Variants in AGAP1 observed in about 807,000 individuals in gnomAD.
AGAP1 encodes the protein ArfGAP with GTPase domain, ankyrin repeat and PH domain 1.
Under a neutral mutation model 105.3 loss-of-function variants are expected in AGAP1, and 29 were observed. That is an observed-to-expected ratio of 0.28 (90% confidence interval 0.21 to 0.38). The LOEUF is 0.38. Ranked by LOEUF, AGAP1 falls within the 10% of genes least tolerant of loss-of-function variation. The pLI is 1.00. For missense variants in AGAP1, 998 were observed against 1,165.1 expected (o/e 0.86, Z 2.09); for synonymous variants, 509 against 485.9 (o/e 1.05, Z -0.63).
chr2:235,682,642 G>A (rs1323598319), intron 1 of AGAP1, among the ~76,000 whole-genome samples: 3 of 152,078 alleles, frequency 2.0e-5, no homozygotes, highest in African/African-American at 7.2e-5. Flanking sequence ...ACCATGCCTG[G>A]CACAGAACCC....
At chr2:236,008,864 AC>A (rs2056412927) in intron 13 of AGAP1, among the ~76,000 whole-genome samples, 1 of 152,240 alleles carries the variant, frequency 6.6e-6, no homozygotes, top group African/African-American at 2.4e-5. Context: ...GAGATTGATG[AC>A]TTTTATTTCA....
At chr2:235,942,973 G>A (rs2053330477) in intron 12 of AGAP1, among the ~76,000 whole-genome samples, 2 of 152,106 alleles carry the variant, frequency 1.3e-5, no homozygotes, top group African/African-American at 2.4e-5. Context: ...TGCGTCTATA[G>A]TCCCAGCTAC....
At chr2:235,755,741 T>TG (rs1953873114) in intron 6 of AGAP1, among the ~76,000 whole-genome samples, 1 of 152,174 alleles carries the variant, frequency 6.6e-6, no homozygotes, top group Non-Finnish European at 1.5e-5. Context: ...GCACCCAGCT[T>TG]GCGATTCTTC....
chr2:235,558,784 G>A (rs1377732910), intron 1 of AGAP1, among the ~76,000 whole-genome samples: 2 of 152,156 alleles, frequency 1.3e-5, no homozygotes, highest in Non-Finnish European at 1.5e-5. Context: ...TAAACACATT[G>A]TGCAAATTGA....
At chr2:235,745,052 C>T (rs1192620421) in intron 5 of AGAP1, among the ~76,000 whole-genome samples, 3 of 152,040 alleles carry the variant, frequency 2.0e-5, no homozygotes, top group Non-Finnish European at 4.4e-5. Flanking sequence ...AACACACACA[C>T]ACATATCCCA....
At position 236,101,413 on chromosome 2, in the gene AGAP1, A is replaced by G. The variant is rs1035829280; in HGVS notation, c.2115-18779A>G. Among the ~76,000 whole-genome samples the G allele has an allele frequency of 1.8e-4, 28 of 152,284 alleles. No individual in the cohort carries two copies. The highest frequency in any genetic ancestry group is 6.8e-3 in the Middle Eastern group (2 of 294). Reference sequence around the variant, plus strand: ...CTTTTTCTGAATGTGTCGCCGTGTCATAGCCTGCGACCTTCTCTTTCTCAG... The same window carrying G: ...CTTTTTCTGAATGTGTCGCCGTGTCGTAGCCTGCGACCTTCTCTTTCTCAG... On this transcript the variant is annotated intron_variant, in intron 16 of 17. Coordinates refer to ENST00000304032, the MANE Select transcript of AGAP1 (RefSeq NM_001037131.3). This position sits in a 1 kb window ranked among gnomAD's most constrained non-coding sequence, Gnocchi z 4.9.
chr2:235,975,034 G>A (rs774417805), intron 13 of AGAP1, among the ~76,000 whole-genome samples: 15 of 152,206 alleles, frequency 9.9e-5, no homozygotes, highest in Non-Finnish European at 1.2e-4. Context: ...GTTAGGGAAG[G>A]CTAACCTGTT....
At position 236,005,775 on chromosome 2, in the gene AGAP1, G is replaced by A. The variant is rs2056300877; in HGVS notation, c.1646-30786G>A. Among the ~76,000 whole-genome samples, 1 of 152,222 alleles carries A rather than the reference G, an allele frequency of 6.6e-6. No individual in the cohort carries two copies. Among genetic ancestry groups the A allele is most frequent in the South Asian group, 2.1e-4 (1 of 4,832 alleles). ...TTGAGTTACAAGTTTTGTGGAGAAG[G>A]ACCACAGGGTGAAGTGCTATTTCCA... On this transcript the variant is annotated intron_variant, in intron 13 of 17. Coordinates refer to ENST00000304032, the MANE Select transcript of AGAP1 (RefSeq NM_001037131.3). This position sits in a 1 kb window ranked among gnomAD's most constrained non-coding sequence, Gnocchi z 4.1.
At position 235,799,201 on chromosome 2, in the gene AGAP1, A is replaced by G. The variant is rs976894011; in HGVS notation, c.802-166A>G. On this transcript the variant is annotated intron_variant, in intron 7 of 17. Coordinates refer to ENST00000304032, the MANE Select transcript of AGAP1 (RefSeq NM_001037131.3). This position sits in a 1 kb window ranked among gnomAD's most constrained non-coding sequence, Gnocchi z 5.0. ...GGCATGTTCCAGGATGAGACTCTGT[A>G]GACATGACACTAATACACCTGGCAA... Among the ~76,000 whole-genome samples, 2 of 152,244 alleles carry G rather than the reference A, an allele frequency of 1.3e-5. No individual in the cohort carries two copies.
intron 6 of AGAP1, among the ~76,000 whole-genome samples, chr2:235,776,576 A>C (rs1332496275): frequency 1.3e-5 from 2 of 152,092 alleles, no homozygotes; most frequent in African/African-American, 4.8e-5. Context: ...CCAGTGTGTA[A>C]GGCAGTGGGC....
In AGAP1 at chr2:235,705,099, C is replaced by T. The variant is rs1950474164; in HGVS notation, c.164-4080C>T. Among the ~76,000 whole-genome samples, 1 of 151,222 alleles carries T rather than the reference C, an allele frequency of 6.6e-6. No homozygotes were observed. The highest frequency in any genetic ancestry group is 1.5e-5 in the Non-Finnish European group (1 of 67,910). On this transcript the variant is annotated intron_variant, in intron 1 of 17. Transcript: ENST00000304032. This position sits in a 1 kb window ranked among gnomAD's most constrained non-coding sequence, Gnocchi z 4.9. ...GTTCAAGCACTTCTCCTGCCTCAGC[C>T]TCCCGAGCAGCTGGGATTACAATCA...
chr2:235,859,518 T>C (rs1244219526), intron 9 of AGAP1, among the ~76,000 whole-genome samples: 1 of 145,630 alleles, frequency 6.9e-6, no homozygotes, highest in Non-Finnish European at 1.5e-5. Context: ...TGAGGCCTTC[T>C]AGTTTCTTAT....
In AGAP1 at chr2:235,620,225, C is replaced by T. The variant is rs1946432840; in HGVS notation, c.164-88954C>T. On this transcript the variant is annotated intron_variant, in intron 1 of 17. Coordinates refer to ENST00000304032, the MANE Select transcript of AGAP1 (RefSeq NM_001037131.3). This position sits in a 1 kb window ranked among gnomAD's most constrained non-coding sequence, Gnocchi z 4.5. ...TCAAAGTATATCCAGGATGCAGTGG[C>T]TTCCTGAGCCACCTCAGCCATTAGC... 6.6e-6 allele frequency among the ~76,000 whole-genome samples: 1 copy of T among 152,184 alleles called. No homozygotes were observed. The highest frequency in any genetic ancestry group is 6.5e-5 in the Admixed American group (1 of 15,282).
At chr2:236,116,700 C>T (rs557101248) in intron 16 of AGAP1, among the ~76,000 whole-genome samples, 10 of 152,146 alleles carry the variant, frequency 6.6e-5, no homozygotes, top group African/African-American at 2.4e-4. Context: ...ACCCATCACC[C>T]GAGCACTATA....
chr2:235,969,411 TTGTTAGAACATGAATTATTACC>T (rs2054544907), intron 13 of AGAP1, among the ~76,000 whole-genome samples: 1 of 152,244 alleles, frequency 6.6e-6, no homozygotes, highest in Admixed American at 6.5e-5. Flanking sequence ...GAGAACCTTG[TTGTTAGAACATGAATTATTACC>T]TGTGAGACCG....
Position 235,883,181 on chromosome 2 carries a change from G to T in AGAP1, c.1051-164G>T, listed in dbSNP as rs1249407132. Among the ~76,000 whole-genome samples, 1 of 152,048 alleles carries T rather than the reference G, an allele frequency of 6.6e-6. No individual in the cohort carries two copies. On this transcript the variant is annotated intron_variant, in intron 9 of 17. Transcript: ENST00000304032. This position sits in a 1 kb window ranked among gnomAD's most constrained non-coding sequence, Gnocchi z 4.5. ...TAGTGTAGCACGTCTCAATGTGTTTGTGTCGTATTTGTTGAACTAATGGCA... is the reference window on the plus strand; with the variant it reads ...TAGTGTAGCACGTCTCAATGTGTTTTTGTCGTATTTGTTGAACTAATGGCA...
chr2:236,059,147 CA>C (rs1287442454), intron 16 of AGAP1, among the ~76,000 whole-genome samples: 4 of 150,770 alleles, frequency 2.7e-5, no homozygotes, highest in African/African-American at 9.8e-5. Flanking sequence ...GGCAAAATAA[CA>C]AGACCGTATC....
chr2:235,881,655 C>T (rs2050028593), intron 9 of AGAP1, among the ~76,000 whole-genome samples: 1 of 152,176 alleles, frequency 6.6e-6, no homozygotes, highest in Admixed American at 6.5e-5. Flanking sequence ...AATCCCAGCT[C>T]AAGGTGTGGG....
At chr2:235,850,029 G>A (rs1962005451) in intron 9 of AGAP1, among the ~76,000 whole-genome samples, 1 of 152,216 alleles carries the variant, frequency 6.6e-6, no homozygotes, top group Non-Finnish European at 1.5e-5. Context: ...GAGCATTGAT[G>A]CCTCCTGAGC....
Sources: allele counts gnomAD v4.1 joint callset (sites outside exome capture counted in the v4.1 genomes callset), GRCh38; gene constraint gnomAD v4.1.1; non-coding constraint Gnocchi (gnomAD v3.1); transcripts MANE v1.5; gene names NCBI Gene and HGNC (gene_info 2026-07-23, HGNC 2026-07-21).